LRCH2: variants seen among roughly 807,000 people sequenced by gnomAD.
The protein encoded by LRCH2 is leucine-rich repeat and calponin homology domain-containing protein 2.
In LRCH2, 38 loss-of-function variants were observed where a neutral mutation model predicts 68.9. That is an observed-to-expected ratio of 0.55 (90% CI 0.43 to 0.72). The LOEUF (loss-of-function observed/expected upper bound fraction) is 0.72. LRCH2 is among the 30% of genes least tolerant of loss of function. The pLI, the probability that LRCH2 is intolerant of heterozygous loss-of-function variation, is 0.00. For missense variants in LRCH2, 528 were observed against 572.9 expected (o/e 0.92, Z 0.80); for synonymous variants, 191 against 208.1 (o/e 0.92, Z 0.71).
At chrX:115,174,465 AT>A (rs1367492920) in intron 5 of LRCH2, among the ~76,000 whole-genome samples, 1 of 107,781 alleles carries the variant, frequency 9.3e-6, no homozygotes, top group Non-Finnish European at 1.9e-5. Context: ...ATCACACAGC[AT>A]TTATCTTTCT....
At chrX:115,178,572 C>T (rs1010966901) in intron 5 of LRCH2, among the ~76,000 whole-genome samples, 1 of 111,802 alleles carries the variant, frequency 8.9e-6, no homozygotes, top group African/African-American at 3.3e-5. Flanking sequence ...CCAGGTTTGA[C>T]GCTGTAAATC....
At chrX:115,134,188 G>A (rs2072269404) in intron 14 of LRCH2, among the ~76,000 whole-genome samples, 1 of 112,275 alleles carries the variant, frequency 8.9e-6, no homozygotes, top group African/African-American at 3.2e-5. Flanking sequence ...AAGTCAAGGT[G>A]AGGAAGCTGC....
At chrX:115,213,251 A>G (rs903553804) in intron 1 of LRCH2, among the ~76,000 whole-genome samples, 2 of 112,139 alleles carry the variant, frequency 1.8e-5, no homozygotes, top group African/African-American at 6.5e-5. Flanking sequence ...GTCTTTGAAC[A>G]GTACCATTCC....
chrX:115,148,051 T>A (rs945683367), intron 14 of LRCH2, among the ~76,000 whole-genome samples: 8 of 105,600 alleles, frequency 7.6e-5, no homozygotes, highest in African/African-American at 2.9e-4. Flanking sequence ...GTCTGGGCAA[T>A]AGAGAGAGAC....
intron 3 of LRCH2, among the ~76,000 whole-genome samples, chrX:115,183,434 C>T (rs1176609526): frequency 9.0e-6 from 1 of 111,556 alleles, no homozygotes; most frequent in Non-Finnish European, 1.9e-5. Context: ...GTGGCTGACA[C>T]CTGTAATGCC....
chrX:115,144,829 A>G (rs1556535530), intron 14 of LRCH2, among the ~76,000 whole-genome samples: 1 of 112,139 alleles, frequency 8.9e-6, no homozygotes, highest in African/African-American at 3.2e-5. Context: ...TTCCACATTC[A>G]TGGATTGGAA....
chrX:115,175,224 G>A (rs2072637777), intron 5 of LRCH2, among the ~76,000 whole-genome samples: 1 of 111,290 alleles, frequency 9.0e-6, no homozygotes, highest in African/African-American at 3.3e-5. Context: ...ACCTTCTCCA[G>A]ACGCCCCTCC....
chrX:115,182,831 CAAAAAAAAAAAA>C (rs1164477909), intron 3 of LRCH2, among the ~76,000 whole-genome samples: 4 of 26,269 alleles, frequency 1.5e-4, no homozygotes, highest in Non-Finnish European at 2.2e-4. Context: ...AACTTCGTCT[CAAAAAAAAAAAA>C]AAAAAAAAAA....
At chrX:115,147,062 CA>C (rs1321941294) in intron 14 of LRCH2, among the ~76,000 whole-genome samples, 2 of 110,440 alleles carry the variant, frequency 1.8e-5, no homozygotes, top group Admixed American at 2.0e-4. Flanking sequence ...TAAAGTTGCA[CA>C]AAAGTTCTGT....
Position 115,163,699 on chromosome X carries a change from T to C in LRCH2, c.1440A>G (p.Leu480=). The C allele has an allele frequency of 2.5e-6, 3 of 1,196,844 alleles. No homozygotes were observed. The highest frequency in any genetic ancestry group is 2.3e-6 in the Non-Finnish European group (2 of 885,808). The change falls in exon 11 of 21, where the codon TTA becomes TTG. Residue 480 remains leucine (L), a synonymous_variant. Transcript: ENST00000317135. ...VTDLRKIAAQ[L]LQQEQKNRIL... ...ACCTGTTCTTCTGTTCTTGCTGCAATAACTGAGCAGCTATTTTCCTCAAAT... is the reference window on the plus strand; with the variant it reads ...ACCTGTTCTTCTGTTCTTGCTGCAACAACTGAGCAGCTATTTTCCTCAAAT...
intron 5 of LRCH2, 66 bp from the exon 6 acceptor site, chrX:115,170,498 C>A: frequency 1.1e-6 from 1 of 899,851 alleles, no homozygotes; most frequent in Non-Finnish European, 1.5e-6. Flanking sequence ...TCATTTTAAA[C>A]CATTCAATAG....
intron 14 of LRCH2, among the ~76,000 whole-genome samples, chrX:115,134,308 T>C (rs1390692618): frequency 2.7e-5 from 3 of 112,710 alleles, no homozygotes; most frequent in East Asian, 2.8e-4. Context: ...ATGTAGAAGC[T>C]GAAGCAAGTT....
At chrX:115,201,508 A>G (rs2072929649) in intron 1 of LRCH2, among the ~76,000 whole-genome samples, 1 of 111,783 alleles carries the variant, frequency 8.9e-6, no homozygotes, top group South Asian at 3.7e-4. Flanking sequence ...TAGGCATAGA[A>G]GGAACATACC....
Position 115,189,729 on chromosome X carries a change from G to A in LRCH2, c.350-1359C>T, listed in dbSNP as rs782213153. On this transcript the variant is annotated intron_variant, in intron 1 of 20. Transcript: ENST00000317135. ...CATTCAAGAGCAGCCGATGGGTCCC[G>A]CCAACCCCCGGCAGCGGCAGTCGCT... 64 of 1,165,810 alleles carry A rather than the reference G, an allele frequency of 5.5e-5. No homozygotes were observed. In the Admixed American group the frequency reaches 1.2e-3, roughly 22 times the overall value.
At chrX:115,160,230 T>C (rs1306684773) in intron 11 of LRCH2, among the ~76,000 whole-genome samples, 1 of 110,664 alleles carries the variant, frequency 9.0e-6, no homozygotes, top group Non-Finnish European at 1.9e-5. Flanking sequence ...CCAGGAGAAT[T>C]GCTTGAACCC....
At chrX:115,137,358 G>C (rs1302140415) in intron 14 of LRCH2, among the ~76,000 whole-genome samples, 4 of 109,749 alleles carry the variant, frequency 3.6e-5, no homozygotes, top group Non-Finnish European at 5.7e-5. Flanking sequence ...TTAGGGAACA[G>C]AAAAAAAGTT....
At chrX:115,197,106 C>A (rs1033605994) in intron 1 of LRCH2, among the ~76,000 whole-genome samples, 7 of 111,035 alleles carry the variant, frequency 6.3e-5, no homozygotes, top group African/African-American at 2.0e-4. Context: ...AAGGCCTTAC[C>A]CAACGAACAT....
At chrX:115,192,504 G>A (rs375818310) in intron 1 of LRCH2, 15 of 1,168,966 alleles carry the variant, frequency 1.3e-5, no homozygotes, top group South Asian at 5.7e-5. Context: ...TAGGCAGACC[G>A]GATCGTGGGC....
intron 2 of LRCH2, among the ~76,000 whole-genome samples, chrX:115,185,247 A>C (rs2072722724): frequency 8.9e-6 from 1 of 111,863 alleles, no homozygotes; most frequent in Non-Finnish European, 1.9e-5. Context: ...AGTGATCCTC[A>C]TTTTGCAGCA....
Sources: gnomAD v4.1 joint callset for allele counts (sites outside exome capture counted in the v4.1 genomes callset) on GRCh38, gnomAD v4.1.1 for gene constraint, MANE v1.5 for transcripts, NCBI Gene and HGNC (gene_info 2026-07-23, HGNC 2026-07-21) for gene names.